Variants in PTCSC3 observed in about 807,000 individuals in gnomAD.
PTCSC3 encodes papillary thyroid carcinoma susceptibility candidate 3 (non-protein coding).
chr14:36,154,974 A>G (rs545799885), intron 2 of PTCSC3, among the ~76,000 whole-genome samples: 2 of 152,290 alleles, frequency 1.3e-5, no homozygotes, highest in East Asian at 1.9e-4. Context: ...AGTTCTTTAT[A>G]TCATATAAAT....
chr14:36,154,729 T>C (rs957162391), intron 2 of PTCSC3, among the ~76,000 whole-genome samples: 4 of 152,072 alleles, frequency 2.6e-5, no homozygotes, highest in African/African-American at 7.2e-5. Context: ...TCTTTCCTCT[T>C]TCTCTCTCTG....
intron 2 of PTCSC3, among the ~76,000 whole-genome samples, chr14:36,159,223 GTT>G (rs200127069): frequency 6.9e-6 from 1 of 145,664 alleles, no homozygotes; most frequent in Non-Finnish European, 1.5e-5. Flanking sequence ...TTTTTGAAGG[GTT>G]TTTTTTGCGT....
At chr14:36,147,050 T>G (rs1212935609) in intron 3 of PTCSC3, among the ~76,000 whole-genome samples, 1 of 152,248 alleles carries the variant, frequency 6.6e-6, no homozygotes, top group African/African-American at 2.4e-5. Flanking sequence ...TCTGATGGGC[T>G]TCCCTTTGTG....
At chr14:36,162,719 C>G (rs892477723) in intron 1 of PTCSC3, 1 of 152,240 alleles carries the variant, frequency 6.6e-6, no homozygotes, top group Non-Finnish European at 1.5e-5. Flanking sequence ...GAGAGTCAGT[C>G]CATGATAGAT....
intron 2 of PTCSC3, among the ~76,000 whole-genome samples, chr14:36,161,659 AC>A (rs1351522585): frequency 2.0e-5 from 3 of 152,112 alleles, no homozygotes; most frequent in African/African-American, 7.2e-5. Flanking sequence ...GTGTCTGTCC[AC>A]CCCGGCTGGG....
chr14:36,150,317 G>T (rs952946878), intron 3 of PTCSC3, among the ~76,000 whole-genome samples: 3 of 152,124 alleles, frequency 2.0e-5, no homozygotes, highest in Non-Finnish European at 4.4e-5. Context: ...GAGGCCCAAG[G>T]CACTTTGTTC....
chr14:36,162,146 CTG>C (rs1881969775), intron 2 of PTCSC3, among the ~76,000 whole-genome samples: 1 of 150,672 alleles, frequency 6.6e-6, no homozygotes, highest in African/African-American at 2.5e-5. Context: ...TTGCTGGACT[CTG>C]TGGGGGTGGG....
At chr14:36,168,360 A>AATATATATATATATATATAT (rs147400390) in intron 1 of PTCSC3, among the ~76,000 whole-genome samples, 23 of 113,896 alleles carry the variant, frequency 2.0e-4, no homozygotes, top group African/African-American at 8.3e-4. Context: ...ATTGATTCTG[A>AATATATATATATATATATAT]ATATATATAT....
chr14:36,149,858 A>G (rs886196645), intron 3 of PTCSC3, among the ~76,000 whole-genome samples: 7 of 152,106 alleles, frequency 4.6e-5, no homozygotes, highest in Non-Finnish European at 4.4e-5. Context: ...CAAGCTGTGT[A>G]TCCCTTATCC....
chr14:36,157,605 C>T (rs182764970), intron 2 of PTCSC3, among the ~76,000 whole-genome samples: 48 of 152,158 alleles, frequency 3.2e-4, no homozygotes, highest in East Asian at 9.6e-4. Context: ...CAGTTTTCTG[C>T]GTATGGCTAG....
chr14:36,162,272 A>AAAAAAAAAC, intron 2 of PTCSC3, among the ~76,000 whole-genome samples: 1 of 150,676 alleles, frequency 6.6e-6, no homozygotes, highest in Non-Finnish European at 1.5e-5. Flanking sequence ...AAAAAAAAAA[A>AAAAAAAAAC]AAAAAAAAAA....
upstream of PTCSC3, chr14:36,176,597 C>T (rs1882292269): frequency 6.6e-6 from 1 of 152,128 alleles, no homozygotes; most frequent in South Asian, 2.1e-4. Flanking sequence ...GTATTTTATA[C>T]TTTACTCTTC....
chr14:36,156,294 CT>C (rs1881824394), intron 2 of PTCSC3, among the ~76,000 whole-genome samples: 3 of 152,148 alleles, frequency 2.0e-5, no homozygotes, highest in Non-Finnish European at 2.9e-5. Flanking sequence ...GCTGATGTTT[CT>C]GAAGGGCATT....
intron 2 of PTCSC3, among the ~76,000 whole-genome samples, chr14:36,154,529 C>G (rs1881788991): frequency 6.6e-6 from 1 of 152,072 alleles, no homozygotes; most frequent in Non-Finnish European, 1.5e-5. Flanking sequence ...TAGAAAATAT[C>G]ATTAAATATT....
chr14:36,175,659 G>A (rs913718248), intron 1 of PTCSC3, among the ~76,000 whole-genome samples: 3 of 152,136 alleles, frequency 2.0e-5, no homozygotes, highest in African/African-American at 7.2e-5. Context: ...AAGAAAGGAG[G>A]AAGAACCCAC....
At chr14:36,151,441 A>G (rs1351922374) in intron 3 of PTCSC3, among the ~76,000 whole-genome samples, 1 of 152,166 alleles carries the variant, frequency 6.6e-6, no homozygotes, top group Non-Finnish European at 1.5e-5. Context: ...GTGGAAAATT[A>G]TGATACGTTA....
chr14:36,170,235 T>C (rs373784435), intron 1 of PTCSC3, among the ~76,000 whole-genome samples: 1 of 152,030 alleles, frequency 6.6e-6, no homozygotes, highest in East Asian at 1.9e-4. Context: ...GAATTTCCCA[T>C]GTTCGCATTA....
chr14:36,150,183 C>T (rs1343289745), intron 3 of PTCSC3, among the ~76,000 whole-genome samples: 1 of 152,072 alleles, frequency 6.6e-6, no homozygotes, highest in African/African-American at 2.4e-5. Context: ...ATGTTTATGT[C>T]CCCTCAAAAT....
downstream of PTCSC3, among the ~76,000 whole-genome samples, chr14:36,134,974 T>C (rs888267548): frequency 6.6e-6 from 1 of 152,220 alleles, no homozygotes; most frequent in African/African-American, 2.4e-5. Context: ...TATCTGCTTT[T>C]GACATCTGGC....
Sources: allele counts gnomAD v4.1 joint callset (sites outside exome capture counted in the v4.1 genomes callset), GRCh38; gene constraint gnomAD v4.1.1; transcripts MANE v1.5; gene names NCBI Gene and HGNC (gene_info 2026-07-23, HGNC 2026-07-21).